Variants in DLGAP2 observed in about 807,000 individuals in gnomAD.
The protein encoded by DLGAP2 is disks large-associated protein 2.
DLGAP2 carries 26 observed loss-of-function variants against 100.3 expected under a neutral mutation model. The ratio of observed to expected loss-of-function variants is 0.26; its 90% confidence interval spans 0.19 to 0.36. The LOEUF (loss-of-function observed/expected upper bound fraction) is 0.36, where lower values mean the gene tolerates loss of function less well. Ranked by LOEUF, DLGAP2 falls within the 10% of genes least tolerant of loss-of-function variation. The probability of loss-of-function intolerance (pLI) is 1.00; values close to 1 mark genes in which losing one functional copy is unlikely to be tolerated. For missense variants in DLGAP2, 1,858 were observed against 1,453.2 expected, an observed-to-expected ratio of 1.28 and a Z score of -4.53; for synonymous variants, 886 against 630.1, an observed-to-expected ratio of 1.41 and a Z score of -6.08.
intron 5 of DLGAP2, among the ~76,000 whole-genome samples, chr8:1,551,107 A>G (rs1025797863): frequency 6.6e-6 from 1 of 152,258 alleles, no homozygotes; most frequent in Non-Finnish European, 1.5e-5. Context: ...TTGAAAGGAA[A>G]TGCTAACCAA....
intron 3 of DLGAP2, among the ~76,000 whole-genome samples, chr8:1,441,408 G>C (rs1350228033): frequency 6.6e-6 from 1 of 152,102 alleles, no homozygotes; most frequent in South Asian, 2.1e-4. Context: ...AGTAGAACTT[G>C]GCCGGGCATG....
At chr8:1,138,567 A>T (rs13277409) in intron 2 of DLGAP2, among the ~76,000 whole-genome samples, 2 of 152,052 alleles carry the variant, frequency 1.3e-5, no homozygotes, top group African/African-American at 4.8e-5. Flanking sequence ...CATTAGAAAC[A>T]CGAGAAGACA....
At chr8:1,364,177 G>C (rs552808651) in intron 3 of DLGAP2, among the ~76,000 whole-genome samples, 1 of 152,146 alleles carries the variant, frequency 6.6e-6, no homozygotes, top group Admixed American at 6.5e-5. Context: ...ATGTTGCATC[G>C]AGGAGCCCTG....
At chr8:1,528,522 T>G (rs1170121714) in intron 4 of DLGAP2, among the ~76,000 whole-genome samples, 1 of 152,154 alleles carries the variant, frequency 6.6e-6, no homozygotes, top group Non-Finnish European at 1.5e-5. Context: ...TTGACAGAAA[T>G]GTAGATTCTC....
In DLGAP2 at chr8:1,668,624, G is replaced by C. The variant is rs766415596; in HGVS notation, c.2106G>C (p.Leu702=). The C allele has an allele frequency of 6.3e-7, 1 of 1,598,770 alleles. No homozygotes were observed. Among genetic ancestry groups the C allele is most frequent in the African/African-American group, 1.3e-5 (1 of 74,610 alleles). The change falls in exon 9 of 15, where the codon CTG becomes CTC. Residue 702 remains leucine (L), a synonymous_variant. Transcript: ENST00000637795. The part of the protein sequence containing the change: ...SSVRTSDKAI[L]VSKAEELLKS... ...TGCGGACCAGCGACAAGGCCATCCTGGTGTCCAAGGCGGAGGAGCTCCTCA... is the reference window on the plus strand; with the variant it reads ...TGCGGACCAGCGACAAGGCCATCCTCGTGTCCAAGGCGGAGGAGCTCCTCA...
chr8:1,547,415 G>C (rs1258721180), intron 4 of DLGAP2, among the ~76,000 whole-genome samples: 2 of 152,130 alleles, frequency 1.3e-5, no homozygotes, highest in African/African-American at 4.8e-5. Context: ...GGTGGAGGCA[G>C]GGGGAGAGGG....
Position 807,648 on chromosome 8 carries a change from C to G in DLGAP2, c.18+69823C>G, listed in dbSNP as rs187210481. 6.7e-4 allele frequency among the ~76,000 whole-genome samples: 101 copies of G among 149,928 alleles called. 1 individual carries two copies. The highest frequency in any genetic ancestry group is 2.5e-5 in the African/African-American group (1 of 40,786). On this transcript the variant is annotated intron_variant, in intron 1 of 14. Transcript: ENST00000637795. Reference sequence around the variant, plus strand: ...CTCTTTTTCTTCTCATTCATATGTTCTCTCTCCTCTTTTTCTTCATTTTAT... The same window carrying G: ...CTCTTTTTCTTCTCATTCATATGTTGTCTCTCCTCTTTTTCTTCATTTTAT...
At chr8:1,221,317 G>T (rs938586568) in intron 2 of DLGAP2, among the ~76,000 whole-genome samples, 2 of 152,160 alleles carry the variant, frequency 1.3e-5, no homozygotes, top group Admixed American at 6.5e-5. Flanking sequence ...CTTAGCATTT[G>T]TTTGTCTGAA....
intron 2 of DLGAP2, among the ~76,000 whole-genome samples, chr8:1,011,250 G>A (rs1325989088): frequency 6.6e-6 from 1 of 150,820 alleles, no homozygotes; most frequent in African/African-American, 2.4e-5. Context: ...TACACAGTGA[G>A]CCCTAGAATG....
At chr8:1,200,174 G>T (rs529802741) in intron 2 of DLGAP2, among the ~76,000 whole-genome samples, 1 of 152,182 alleles carries the variant, frequency 6.6e-6, no homozygotes, top group South Asian at 2.1e-4. Context: ...CCTGGCCCCC[G>T]TGCTCTCCTC....
chr8:1,356,068 C>T (rs567173691), intron 3 of DLGAP2, among the ~76,000 whole-genome samples: 2 of 152,336 alleles, frequency 1.3e-5, no homozygotes, highest in South Asian at 2.1e-4. Context: ...GCGGCCCTCA[C>T]ACTACGCCAG....
chr8:1,438,950 C>A (rs564625074), intron 3 of DLGAP2, among the ~76,000 whole-genome samples: 8 of 152,244 alleles, frequency 5.3e-5, no homozygotes, highest in African/African-American at 1.2e-4. Context: ...AAAATAGGAA[C>A]ATTTTGTTAA....
At chr8:1,079,940 G>A (rs1486044282) in intron 2 of DLGAP2, among the ~76,000 whole-genome samples, 2 of 152,244 alleles carry the variant, frequency 1.3e-5, no homozygotes, top group Non-Finnish European at 2.9e-5. Flanking sequence ...GTGTAACAGT[G>A]CTGGAATGCA....
At chr8:1,681,078 G>C (rs1477773113) in intron 12 of DLGAP2, among the ~76,000 whole-genome samples, 1 of 152,154 alleles carries the variant, frequency 6.6e-6, no homozygotes, top group African/African-American at 2.4e-5. Context: ...AATTTACAAA[G>C]AGGTCATGTT....
intron 3 of DLGAP2, among the ~76,000 whole-genome samples, chr8:1,276,436 G>A (rs576900094): frequency 1.1e-4 from 16 of 152,234 alleles, no homozygotes; most frequent in African/African-American, 3.4e-4. Context: ...TTGCTGAGTG[G>A]GTGCCGGGGA....
chr8:1,347,948 C>G (rs1248312684), intron 3 of DLGAP2, among the ~76,000 whole-genome samples: 1 of 138,314 alleles, frequency 7.2e-6, no homozygotes, highest in Admixed American at 7.2e-5. Context: ...ATTGAGTTCC[C>G]ATACAGAGCT....
chr8:1,690,270 C>G (rs982069515), intron 12 of DLGAP2, among the ~76,000 whole-genome samples: 7 of 149,366 alleles, frequency 4.7e-5, no homozygotes, highest in African/African-American at 7.4e-5. Flanking sequence ...GCAGGAGAAT[C>G]ACTTGAATTC....
rs1263771711 is a variant in DLGAP2 at position 1,496,649 on chromosome 8, C to T, written c.107-4717C>T. Among the ~76,000 whole-genome samples, 4 of 152,286 alleles carry T rather than the reference C, an allele frequency of 2.6e-5. No homozygotes were observed. In the East Asian group the frequency reaches 7.8e-4, roughly 30 times the overall value. ...AGGGCCATCACAGACCCTCTCAGAT[C>T]CACCCAGACCCCTCTGGGCCACAGG... On this transcript the variant is annotated intron_variant, in intron 3 of 14. Coordinates refer to ENST00000637795, the MANE Select transcript of DLGAP2 (RefSeq NM_001346810.2).
At chr8:764,137 C>T (rs1821152370) in intron 1 of DLGAP2, among the ~76,000 whole-genome samples, 1 of 152,196 alleles carries the variant, frequency 6.6e-6, no homozygotes, top group Non-Finnish European at 1.5e-5. Context: ...GAAGGCATGA[C>T]ATGCTGTCTG....
Sources: allele counts gnomAD v4.1 joint callset (sites outside exome capture counted in the v4.1 genomes callset), GRCh38; gene constraint gnomAD v4.1.1; transcripts MANE v1.5; gene names NCBI Gene and HGNC (gene_info 2026-07-23, HGNC 2026-07-21).